The following BAHD1 variants were observed in gnomAD, a reference collection of about 807,000 sequenced individuals.
BAHD1 encodes bromo adjacent homology domain containing 1, also known as bromo adjacent homology domain-containing 1 protein.
In BAHD1, 20 loss-of-function variants were observed where a neutral mutation model predicts 63.1. The ratio of observed to expected loss-of-function variants is 0.32; its 90% confidence interval spans 0.22 to 0.46. BAHD1 has a LOEUF of 0.46. Among genes scored for constraint, BAHD1 ranks in the 20% least tolerant of loss-of-function variants. The probability of loss-of-function intolerance (pLI) is 1.00; values close to 1 mark genes in which losing one functional copy is unlikely to be tolerated. For missense variants in BAHD1, 939 were observed against 1,071.8 expected (o/e 0.88, Z 1.73); for synonymous variants, 408 against 426.8 (o/e 0.96, Z 0.54).
In BAHD1 at chr15:40,459,532, G is replaced by A. The variant is rs537044689; in HGVS notation, c.1068G>A (p.Pro356=). ...CCACACCTCAGCTGTCGCCGCTGCC[G>A]ATGCCTGGCAACCCCGCCGACTACA... The part of the protein sequence containing the change: ...SFPTPQLSPL[P]MPGNPADYNG... Residue 356 remains proline, a synonymous_variant, in exon 2 of 7, where the codon CCG becomes CCA. Transcript: ENST00000416165. 5.1e-5 allele frequency: 82 copies of A among 1,614,098 alleles called. No individual in the cohort carries two copies. Among genetic ancestry groups the A allele is most frequent in the South Asian group, 4.8e-4 (44 of 91,090 alleles).
chr15:40,440,045 C>A (rs1348966415), upstream of BAHD1: 2 of 152,348 alleles, frequency 1.3e-5, no homozygotes, highest in Non-Finnish European at 2.9e-5. Context: ...GCTGCCCGCC[C>A]CTTTCTCCCT....
chr15:40,449,969 C>G (rs993668044), intron 1 of BAHD1, among the ~76,000 whole-genome samples: 2 of 152,122 alleles, frequency 1.3e-5, no homozygotes, highest in South Asian at 2.1e-4. Flanking sequence ...GTTTGGAGGT[C>G]AGAGGGCTCT....
intron 3 of BAHD1, among the ~76,000 whole-genome samples, chr15:40,463,409 C>T (rs1894109146): frequency 6.6e-6 from 1 of 152,248 alleles, no homozygotes; most frequent in African/African-American, 2.4e-5. Context: ...ATCCTCACCA[C>T]TACCCTATGT....
In BAHD1 at chr15:40,441,951, G is replaced by A. The variant is rs556777631; in HGVS notation, c.-15+683G>A. Among the ~76,000 whole-genome samples the A allele has an allele frequency of 2.0e-5, 3 of 152,070 alleles. No individual in the cohort carries two copies. In the South Asian group the frequency reaches 6.2e-4, roughly 31 times the overall value. ...GGAAGGGAGGCGCCGAAGACGGAAG[G>A]GGACCGGTTCGAAAAGCGAGTGTGG... On this transcript the variant is annotated intron_variant, in intron 1 of 6. Coordinates refer to ENST00000416165, the MANE Select transcript of BAHD1 (RefSeq NM_014952.5).
chr15:40,468,033 T>C lies in BAHD1; in HGVS notation c.*1903T>C, dbSNP rs1346606613. ...GAAAATGCAGCTGGTAGAATTTCAA[T>C]GGAAGCATAATCCATGTAAAATATA... is the stretch of plus-strand genomic sequence containing the variant. On this transcript the variant is annotated 3_prime_UTR_variant, in exon 7 of 7. Transcript: ENST00000416165. 2 of 152,678 alleles carry C rather than the reference T, an allele frequency of 1.3e-5. No homozygotes were observed. Among genetic ancestry groups the C allele is most frequent in the Non-Finnish European group, 2.9e-5 (2 of 68,042 alleles). 9.5% of individuals were successfully genotyped at this position (152,678 alleles called of 1,614,324 possible).
intron 1 of BAHD1, among the ~76,000 whole-genome samples, chr15:40,449,319 C>T (rs1257819955): frequency 6.6e-6 from 1 of 152,206 alleles, no homozygotes; most frequent in Non-Finnish European, 1.5e-5. Flanking sequence ...TCCAACCCTG[C>T]ACACTTAGGG....
At position 40,458,527 on chromosome 15, in the gene BAHD1, G is replaced by T. The variant is rs746390121; in HGVS notation, c.63G>T (p.Glu21Asp). 3.1e-6 allele frequency: 5 copies of T among 1,613,076 alleles called. No individual in the cohort carries two copies. Among genetic ancestry groups the T allele is most frequent in the South Asian group, 1.1e-5 (1 of 90,996 alleles). The change falls in exon 2 of 7, where the codon GAG (glutamate) becomes GAT (aspartate). Residue 21 changes from glutamate (E) to aspartate (D), a missense_variant. Glu to Asp is a conservative substitution (Grantham distance 45). This residue lies in a region of BAHD1 where 797 missense variants were observed against 813.3 expected (regional missense o/e 0.98). Transcript: ENST00000416165. This position sits in a 1 kb window ranked among gnomAD's most constrained non-coding sequence, Gnocchi z 4.7. Reference protein sequence around the residue: ...MLSSGLTGRREPLQMEDSNME... With the variant: ...MLSSGLTGRRDPLQMEDSNME... The stretch of plus-strand genomic sequence containing the variant: ...GTTCGGGCCTCACTGGCCGCCGAGA[G>T]CCCCTGCAGATGGAAGACAGCAACA...
chr15:40,457,739 G>T (rs1350295121), intron 1 of BAHD1, among the ~76,000 whole-genome samples: 1 of 152,274 alleles, frequency 6.6e-6, no homozygotes, highest in Admixed American at 6.5e-5. Context: ...GCCGGGGGCA[G>T]TGGCTCACGC....
intron 1 of BAHD1, among the ~76,000 whole-genome samples, chr15:40,443,080 A>G (rs1241656637): frequency 6.6e-6 from 1 of 152,250 alleles, no homozygotes; most frequent in East Asian, 1.9e-4. Flanking sequence ...GATCATAAGG[A>G]CAGGGAAACT....
At chr15:40,455,197 A>G (rs1893814275) in intron 1 of BAHD1, among the ~76,000 whole-genome samples, 2 of 152,136 alleles carry the variant, frequency 1.3e-5, no homozygotes, top group African/African-American at 4.8e-5. Context: ...GGGATTTGGC[A>G]GATTTTAGGG....
At chr15:40,441,639 C>T (rs1175348558) in intron 1 of BAHD1, among the ~76,000 whole-genome samples, 1 of 146,162 alleles carries the variant, frequency 6.8e-6, no homozygotes, top group Non-Finnish European at 1.5e-5. Context: ...GCGTCCCGAG[C>T]TGCGGAGGGC....
intron 1 of BAHD1, among the ~76,000 whole-genome samples, chr15:40,444,899 C>A (rs918457039): frequency 2.0e-5 from 3 of 152,108 alleles, no homozygotes; most frequent in Non-Finnish European, 4.4e-5. Context: ...CAGCATTTCC[C>A]TTCTACGCGG....
At chr15:40,441,555 G>T (rs901531220) in intron 1 of BAHD1, among the ~76,000 whole-genome samples, 25 of 149,654 alleles carry the variant, frequency 1.7e-4, no homozygotes, top group Admixed American at 1.1e-3. Flanking sequence ...CCCGGGGGCC[G>T]CCCGCCTTGC....
At position 40,441,188 on chromosome 15, in the gene BAHD1, CG is replaced by C. The variant is rs1033491689; in HGVS notation, c.-89del. On this transcript the variant is annotated 5_prime_UTR_variant, in exon 1 of 7. Coordinates refer to ENST00000416165, the MANE Select transcript of BAHD1 (RefSeq NM_014952.5). ...GTGGAGCCCGGGAATTGAGCGCCCC[CG>C]GGGGGTTCCAGCCGCCGGATTCCAG... 5 of 151,340 alleles carry C rather than the reference CG, an allele frequency of 3.3e-5. No individual in the cohort carries two copies. Among genetic ancestry groups the C allele is most frequent in the Non-Finnish European group, 7.4e-5 (5 of 67,908 alleles). The allele number at this position is 151,340 out of a possible 1,614,324, so 9.4% of individuals were successfully genotyped here.
chr15:40,459,983 T>C (rs1893990642), intron 2 of BAHD1, 87 bp downstream of exon 2: 1 of 1,422,424 alleles, frequency 7.0e-7, no homozygotes, highest in African/African-American at 1.4e-5. Flanking sequence ...AGCAGGGGTC[T>C]CCCTTGGGGT....
chr15:40,451,680 A>T (rs953466849), intron 1 of BAHD1, among the ~76,000 whole-genome samples: 2 of 152,262 alleles, frequency 1.3e-5, no homozygotes, highest in Non-Finnish European at 2.9e-5. Flanking sequence ...TTCCAGCCCC[A>T]CATGGGTCTC....
intron 1 of BAHD1, among the ~76,000 whole-genome samples, chr15:40,446,713 G>C (rs1669845547): frequency 6.6e-6 from 1 of 152,166 alleles, no homozygotes; most frequent in African/African-American, 2.4e-5. Flanking sequence ...CAGGAACTTG[G>C]GTCTCAATAT....
In BAHD1 at chr15:40,458,586, T is replaced by C; in HGVS notation, c.122T>C (p.Met41Thr). The change falls in exon 2 of 7, where the codon ATG becomes ACG. Residue 41 changes from methionine to threonine, a missense_variant. By Grantham distance (81) the Met-to-Thr change is moderately conservative (BLOSUM62 -1). This residue lies in a region of BAHD1 where 797 missense variants were observed against 813.3 expected (regional missense o/e 0.98). Transcript: ENST00000416165. This position sits in a 1 kb window ranked among gnomAD's most constrained non-coding sequence, Gnocchi z 4.7. ...GGGGTTGAGGGTGTGGAGCCAGGCATGCCCGAGAGCCCAGGTCACCTCACA... is the reference window on the plus strand; with the variant it reads ...GGGGTTGAGGGTGTGGAGCCAGGCACGCCCGAGAGCCCAGGTCACCTCACA... ...EQGVEGVEPG[M>T]PESPGHLTGR... The C allele has an allele frequency of 6.2e-7, 1 of 1,614,000 alleles. No individual in the cohort carries two copies. The highest frequency in any genetic ancestry group is 8.5e-7 in the Non-Finnish European group (1 of 1,180,006).
intron 2 of BAHD1, 111 bp downstream of exon 2, chr15:40,460,007 G>A (rs1893991493): frequency 1.5e-6 from 2 of 1,321,070 alleles, no homozygotes; most frequent in East Asian, 2.6e-5. Context: ...GCTGCTAACT[G>A]GAAGGTAGGG....
Sources: allele counts gnomAD v4.1 joint callset (sites outside exome capture counted in the v4.1 genomes callset), GRCh38; gene constraint gnomAD v4.1.1; regional missense constraint gnomAD v4.1.1; non-coding constraint Gnocchi (gnomAD v3.1); transcripts MANE v1.5; gene names NCBI Gene and HGNC (gene_info 2026-07-23, HGNC 2026-07-21).